HCK: variants seen among roughly 807,000 people sequenced by gnomAD.
HCK encodes the protein HCK proto-oncogene, Src family tyrosine kinase.
Under a neutral mutation model 70.4 loss-of-function variants are expected in HCK, and 40 were observed. The observed-to-expected ratio is 0.57, with a 90% CI of 0.44 to 0.74. HCK has a LOEUF of 0.74. Ranked by LOEUF, HCK falls within the 30% of genes least tolerant of loss-of-function variation. HCK has a pLI of 0.00. For synonymous variants in HCK, 245 were observed against 263.2 expected, an observed-to-expected ratio of 0.93 and a Z score of 0.67; for missense variants, 568 against 697.2, an observed-to-expected ratio of 0.81 and a Z score of 2.09.
intron 1 of HCK, among the ~76,000 whole-genome samples, chr20:32,064,122 G>A (rs1255461408): frequency 6.9e-6 from 1 of 144,058 alleles, no homozygotes; most frequent in African/African-American, 2.6e-5. Context: ...TCCAGCCTCA[G>A]CCTCCCAAGT....
chr20:32,082,645 C>T (rs2045723984), intron 6 of HCK, among the ~76,000 whole-genome samples: 1 of 152,044 alleles, frequency 6.6e-6, no homozygotes, highest in African/African-American at 2.4e-5. Flanking sequence ...CTGACACACA[C>T]ACACAAAAAA....
At chr20:32,080,507 T>C (rs767091271) in intron 6 of HCK, among the ~76,000 whole-genome samples, 1 of 152,132 alleles carries the variant, frequency 6.6e-6, no homozygotes, top group Non-Finnish European at 1.5e-5. Context: ...TGTTTTGTTT[T>C]GTTTGAGACA....
chr20:32,094,755 A>AAGAGAGAG, intron 11 of HCK, among the ~76,000 whole-genome samples: 1 of 132,144 alleles, frequency 7.6e-6, no homozygotes, highest in Non-Finnish European at 1.7e-5. Context: ...GAAAGAAAGA[A>AAGAGAGAG]AGAAAGAAGG....
intron 8 of HCK, among the ~76,000 whole-genome samples, chr20:32,085,199 G>T (rs563106635): frequency 6.6e-5 from 10 of 152,318 alleles, no homozygotes; most frequent in Admixed American, 1.3e-4. Flanking sequence ...CATGTATTTC[G>T]ACTGTATTTA....
At chr20:32,098,186 G>A (rs2045983121) in intron 11 of HCK, among the ~76,000 whole-genome samples, 1 of 152,004 alleles carries the variant, frequency 6.6e-6, no homozygotes, top group Non-Finnish European at 1.5e-5. Context: ...GGAACTACAG[G>A]CACCTGCCAC....
chr20:32,059,949 A>T (rs2045341731), intron 1 of HCK, among the ~76,000 whole-genome samples: 1 of 152,194 alleles, frequency 6.6e-6, no homozygotes, highest in African/African-American at 2.4e-5. Context: ...AATTATAAAA[A>T]AAATGTAAAA....
chr20:32,063,465 C>G (rs1276558860), intron 1 of HCK, among the ~76,000 whole-genome samples: 1 of 152,064 alleles, frequency 6.6e-6, no homozygotes, highest in African/African-American at 2.4e-5. Flanking sequence ...CAGGACCAGC[C>G]TTGTACTCCT....
Position 32,099,102 on chromosome 20 carries a change from G to A in HCK, c.1345G>A (p.Glu449Lys). ...CTGGTCCTTTGGTATCCTGCTGATG[G>A]AGATCGTCACCTACGGCCGGATCCC... The change falls in exon 12 of 13, where the codon GAG (glutamate) becomes AAG (lysine). Residue 449 changes from glutamate to lysine, a missense_variant. Glu to Lys is a moderately conservative substitution (Grantham distance 56). Around this residue, in one of 4 missense-constraint regions of HCK, gnomAD observed 160 missense variants for 237.5 expected, o/e 0.67. Transcript: ENST00000375852. 6.2e-7 allele frequency: 1 copy of A among 1,614,172 alleles called. No individual in the cohort carries two copies. The highest frequency in any genetic ancestry group is 8.5e-7 in the Non-Finnish European group (1 of 1,180,014).
chr20:32,095,364 T>C (rs988348781), intron 11 of HCK, among the ~76,000 whole-genome samples: 2 of 152,184 alleles, frequency 1.3e-5, no homozygotes, highest in African/African-American at 4.8e-5. Flanking sequence ...CAAGCGATTC[T>C]TGTGCCTCAG....
intron 11 of HCK, among the ~76,000 whole-genome samples, chr20:32,098,041 T>C (rs1398844054): frequency 2.0e-5 from 3 of 151,322 alleles, no homozygotes; most frequent in Non-Finnish European, 4.4e-5. Flanking sequence ...TTATATTTTA[T>C]TTTATTTTAT....
intron 6 of HCK, among the ~76,000 whole-genome samples, chr20:32,083,582 G>A (rs972811889): frequency 6.6e-6 from 1 of 152,214 alleles, no homozygotes; most frequent in Non-Finnish European, 1.5e-5. Context: ...TAGTTTACAG[G>A]CATTACTTCT....
In HCK at chr20:32,093,998, G is replaced by A. The variant is rs1055802717; in HGVS notation, c.1228G>A (p.Glu410Lys). 7 of 1,613,582 alleles carry A rather than the reference G, an allele frequency of 4.3e-6. No homozygotes were observed. Among genetic ancestry groups the A allele is most frequent in the Non-Finnish European group, 5.9e-6 (7 of 1,179,874 alleles). Residue 410 changes from glutamate (E) to lysine (K), a missense_variant, in exon 11 of 13, where the codon GAG becomes AAG. Around this residue, in one of 4 missense-constraint regions of HCK, gnomAD observed 160 missense variants for 237.5 expected, o/e 0.67. Coordinates refer to ENST00000375852, the MANE Select transcript of HCK (RefSeq NM_002110.5). ...CCTGGCCCGGGTCATTGAGGACAAC[G>A]AGTACACGGCTCGGGAAGGTAGGGA...
chr20:32,060,409 CAG>C (rs1384027959), intron 1 of HCK, among the ~76,000 whole-genome samples: 1 of 152,120 alleles, frequency 6.6e-6, no homozygotes, highest in Non-Finnish European at 1.5e-5. Flanking sequence ...TTGGTTGAGA[CAG>C]GGTTTCACCA....
chr20:32,084,369 T>C, intron 7 of HCK, 22 bp from the exon 8 acceptor site: 1 of 1,601,844 alleles, frequency 6.2e-7, no homozygotes, highest in Non-Finnish European at 8.5e-7. Context: ...TTGCTCTCAA[T>C]TGACCAGGGA....
rs886481781 is a variant in HCK, at chr20:32,061,197, T to C, written c.62+8711T>C. 1.3e-5 allele frequency among the ~76,000 whole-genome samples: 2 copies of C among 152,224 alleles called. 1 individual carries two copies. Among genetic ancestry groups the C allele is most frequent in the Admixed American group, 1.3e-4 (2 of 15,286 alleles). On this transcript the variant is annotated intron_variant, in intron 1 of 12. Coordinates refer to ENST00000375852, the MANE Select transcript of HCK (RefSeq NM_002110.5). ...CGGGGTTTCACCATGTTGGCCAGGCTGGTCTTGAACTCCTGACCTTGTGAT... is the reference window on the plus strand; with the variant it reads ...CGGGGTTTCACCATGTTGGCCAGGCCGGTCTTGAACTCCTGACCTTGTGAT...
At chr20:32,099,540 T>A (rs2046005377) in intron 12 of HCK, among the ~76,000 whole-genome samples, 1 of 151,962 alleles carries the variant, frequency 6.6e-6, no homozygotes, top group South Asian at 2.1e-4. Flanking sequence ...GTATTTTTAG[T>A]AGAGACGGGG....
At position 32,062,903 on chromosome 20, in the gene HCK, G is replaced by C. The variant is rs564655748; in HGVS notation, c.63-8759G>C. Among the ~76,000 whole-genome samples, 15 of 152,250 alleles carry C rather than the reference G, an allele frequency of 9.9e-5. No homozygotes were observed. The East Asian group carries it at 2.9e-3, about 29-fold the overall frequency. On this transcript the variant is annotated intron_variant, in intron 1 of 12. Transcript: ENST00000375852. ...ATACTTTTTCCCCACCCCCATTGCT[G>C]AGCTGTTCTGAGAAGGGAAAGTTCC...
chr20:32,098,385 G>A (rs906192083), intron 11 of HCK, among the ~76,000 whole-genome samples: 2 of 152,086 alleles, frequency 1.3e-5, no homozygotes, highest in African/African-American at 2.4e-5. Context: ...AACCCCAGGG[G>A]CTTGAGAGGC....
Position 32,071,781 on chromosome 20 carries a change from C to G in HCK, c.182C>G (p.Pro61Arg), listed in dbSNP as rs138094245. 14 of 1,613,570 alleles carry G rather than the reference C, an allele frequency of 8.7e-6. No homozygotes were observed. Among genetic ancestry groups the G allele is most frequent in the Middle Eastern group, 1.6e-4 (1 of 6,078 alleles). The change falls in exon 2 of 13, where the codon CCG (proline) becomes CGG (arginine). Residue 61 changes from proline to arginine, a missense_variant and splice_region_variant. Pro to Arg is a moderately radical substitution (Grantham distance 103). Coordinates refer to ENST00000375852, the MANE Select transcript of HCK (RefSeq NM_002110.5). The stretch of plus-strand genomic sequence containing the variant: ...CCGGATCCCACATCCACCATCAAGC[C>G]GGTGAGTAGGGGAGGTCCCAGTTTC...
Sources: gnomAD v4.1 joint callset for allele counts (sites outside exome capture counted in the v4.1 genomes callset) on GRCh38, gnomAD v4.1.1 for gene constraint, gnomAD v4.1.1 regional missense constraint, MANE v1.5 for transcripts, NCBI Gene and HGNC (gene_info 2026-07-23, HGNC 2026-07-21) for gene names.